The following STAU2 variants were observed in gnomAD, a reference collection of about 807,000 sequenced individuals.
The protein encoded by STAU2 is staufen double-stranded RNA binding protein 2, also known as double-stranded RNA-binding protein Staufen homolog 2.
A neutral mutation model predicts 65.9 loss-of-function variants in STAU2; 20 were observed. That is an observed-to-expected ratio of 0.30 (90% CI 0.21 to 0.44). STAU2 has a LOEUF of 0.44. Ranked by LOEUF, STAU2 falls within the 20% of genes least tolerant of loss-of-function variation. The pLI is 1.00. For synonymous variants in STAU2, 232 were observed against 233.9 expected (o/e 0.99, Z 0.07); for missense variants, 558 against 683.9 (o/e 0.82, Z 2.05).
chr8:73,576,285 A>G (rs1809544318), intron 12 of STAU2, among the ~76,000 whole-genome samples: 2 of 152,224 alleles, frequency 1.3e-5, no homozygotes, highest in Non-Finnish European at 2.9e-5. Flanking sequence ...GGATATTCAC[A>G]TAGTGGATGA....
At chr8:73,514,458 T>C (rs1016904658) in intron 13 of STAU2, among the ~76,000 whole-genome samples, 2 of 152,176 alleles carry the variant, frequency 1.3e-5, no homozygotes, top group African/African-American at 4.8e-5. Flanking sequence ...ACTGCCTTGA[T>C]CTCATGTACA....
intron 13 of STAU2, among the ~76,000 whole-genome samples, chr8:73,539,535 T>C (rs1806392053): frequency 6.6e-6 from 1 of 152,122 alleles, no homozygotes; most frequent in African/African-American, 2.4e-5. Context: ...ACTGAACTTA[T>C]AGGTCAATAG....
rs1221802322 is a variant in STAU2, at chr8:73,713,440, T to C, written c.-17-4278A>G. On this transcript the variant is annotated intron_variant, in intron 3 of 14. Coordinates refer to ENST00000524300, the MANE Select transcript of STAU2 (RefSeq NM_001164380.2). ...TGATAGAAGAAACAGACACAGACAA[T>C]AGACAAACACAATAAATCACAATAT... is the stretch of plus-strand genomic sequence containing the variant. Among the ~76,000 whole-genome samples, 10 of 152,056 alleles carry C rather than the reference T, an allele frequency of 6.6e-5. No individual in the cohort carries two copies. The East Asian group carries it at 1.2e-3, about 18-fold the overall frequency.
chr8:73,667,915 T>A (rs185580672), intron 6 of STAU2, among the ~76,000 whole-genome samples: 4 of 152,228 alleles, frequency 2.6e-5, no homozygotes, highest in Non-Finnish European at 5.9e-5. Flanking sequence ...GTTCTGACTG[T>A]AATGGAAATA....
intron 3 of STAU2, among the ~76,000 whole-genome samples, chr8:73,731,540 G>A (rs1366024358): frequency 2.0e-5 from 3 of 152,074 alleles, no homozygotes; most frequent in Admixed American, 2.0e-4. Flanking sequence ...TGTCATCAAT[G>A]TCTAAAAGCT....
At chr8:73,611,433 G>A (rs1242112677) in intron 9 of STAU2, among the ~76,000 whole-genome samples, 1 of 152,164 alleles carries the variant, frequency 6.6e-6, no homozygotes, top group Admixed American at 6.5e-5. Flanking sequence ...AGTTTATGCT[G>A]AGATCTGAAT....
intron 13 of STAU2, among the ~76,000 whole-genome samples, chr8:73,517,142 C>CA (rs1822780183): frequency 6.6e-6 from 1 of 152,010 alleles, no homozygotes; most frequent in South Asian, 2.1e-4. Flanking sequence ...ACTGGGCAGG[C>CA]ATGATGGCTT....
intron 13 of STAU2, among the ~76,000 whole-genome samples, chr8:73,535,131 A>C (rs1359879583): frequency 6.6e-6 from 1 of 152,264 alleles, no homozygotes; most frequent in Non-Finnish European, 1.5e-5. Flanking sequence ...TCTTACTGTA[A>C]GTGACAAGCA....
At chr8:73,560,995 T>A (rs1330141158) in intron 12 of STAU2, among the ~76,000 whole-genome samples, 3 of 149,212 alleles carry the variant, frequency 2.0e-5, no homozygotes, top group Non-Finnish European at 4.5e-5. Context: ...ATCATTCATC[T>A]TTTTTTTTTA....
chr8:73,608,870 A>G (rs1321783812), intron 9 of STAU2, among the ~76,000 whole-genome samples: 1 of 151,876 alleles, frequency 6.6e-6, no homozygotes, highest in African/African-American at 2.4e-5. Context: ...GGCACCTGTA[A>G]TCCCAGCTGA....
At chr8:73,637,448 T>A (rs1378728900) in intron 6 of STAU2, among the ~76,000 whole-genome samples, 1 of 71,302 alleles carries the variant, frequency 1.4e-5, no homozygotes, top group African/African-American at 5.5e-5. Flanking sequence ...TGGAACAACA[T>A]CTTTAAAGTC....
chr8:73,711,770 A>T (rs1820916797), intron 3 of STAU2, among the ~76,000 whole-genome samples: 1 of 152,158 alleles, frequency 6.6e-6, no homozygotes, highest in African/African-American at 2.4e-5. Context: ...ATAAAAGTTA[A>T]CATGAATCCA....
At chr8:73,571,163 T>A (rs1335366528) in intron 12 of STAU2, among the ~76,000 whole-genome samples, 1 of 152,120 alleles carries the variant, frequency 6.6e-6, no homozygotes, top group African/African-American at 2.4e-5. Flanking sequence ...CATTACATAA[T>A]GGTAAAGGGA....
chr8:73,454,141 G>A (rs1818944704), intron 13 of STAU2, among the ~76,000 whole-genome samples: 1 of 152,100 alleles, frequency 6.6e-6, no homozygotes, highest in South Asian at 2.1e-4. Context: ...TTTCTCAATA[G>A]AGCAAGCTGT....
At chr8:73,475,006 T>C (rs1262970412) in intron 13 of STAU2, among the ~76,000 whole-genome samples, 3 of 152,132 alleles carry the variant, frequency 2.0e-5, no homozygotes, top group African/African-American at 4.8e-5. Context: ...AGATTCAAGA[T>C]TGAGTCACCA....
At chr8:73,646,396 G>GT (rs777530316) in intron 6 of STAU2, among the ~76,000 whole-genome samples, 6 of 152,180 alleles carry the variant, frequency 3.9e-5, no homozygotes, top group Non-Finnish European at 7.3e-5. Context: ...TCAACAGAAC[G>GT]TAATAGAGAA....
intron 10 of STAU2, among the ~76,000 whole-genome samples, chr8:73,596,038 G>A (rs777244090): frequency 4.6e-5 from 7 of 151,626 alleles, no homozygotes; most frequent in Non-Finnish European, 1.0e-4. Context: ...CTTGAACCCA[G>A]TAAGTAGAGG....
intron 12 of STAU2, among the ~76,000 whole-genome samples, chr8:73,581,625 A>G (rs532207707): frequency 4.6e-5 from 7 of 152,320 alleles, no homozygotes; most frequent in African/African-American, 1.7e-4. Context: ...AACTCTAGGA[A>G]TCCTGAACTG....
intron 14 of STAU2, 122 bp from the exon 15 acceptor site, chr8:73,421,587 C>T: frequency 1.2e-6 from 1 of 857,614 alleles, no homozygotes; most frequent in Non-Finnish European, 1.8e-6. Flanking sequence ...TAAAGTGAAA[C>T]AACAATATTT....
Sources: allele counts gnomAD v4.1 joint callset (sites outside exome capture counted in the v4.1 genomes callset), GRCh38; gene constraint gnomAD v4.1.1; transcripts MANE v1.5; gene names NCBI Gene and HGNC (gene_info 2026-07-23, HGNC 2026-07-21).